UFD1: variants seen among roughly 807,000 people sequenced by gnomAD.
UFD1 encodes ubiquitin recognition factor in ER-associated degradation protein 1.
A neutral mutation model predicts 45.9 loss-of-function variants in UFD1; 13 were observed. The observed-to-expected ratio is 0.28, with a 90% CI of 0.18 to 0.45. The LOEUF is 0.45. UFD1 is among the 20% of genes least tolerant of loss of function. The pLI is 1.00. For missense variants in UFD1, 218 were observed against 389.2 expected (o/e 0.56, Z 3.70); for synonymous variants, 128 against 139.2 (o/e 0.92, Z 0.56).
chr22:19,453,777 G>A, intron 11 of UFD1: 1 of 985,624 alleles, frequency 1.0e-6, no homozygotes, highest in Non-Finnish European at 1.2e-6. Flanking sequence ...AAGTGCTAGA[G>A]AAAAGAGTTC....
intron 6 of UFD1, among the ~76,000 whole-genome samples, chr22:19,464,057 C>T (rs1267968254): frequency 6.6e-6 from 1 of 152,080 alleles, no homozygotes; most frequent in East Asian, 1.9e-4. Context: ...CTAAAGGGAA[C>T]AAGATTATTT....
intron 1 of UFD1, among the ~76,000 whole-genome samples, chr22:19,477,755 A>T (rs768926307): frequency 2.0e-5 from 3 of 152,164 alleles, no homozygotes; most frequent in Non-Finnish European, 2.9e-5. Context: ...ATTTAGTAGA[A>T]GGAATGCCAC....
intron 4 of UFD1, chr22:19,469,939 TA>T (rs2089831534): frequency 1.9e-6 from 1 of 518,534 alleles, no homozygotes; most frequent in East Asian, 5.4e-5. Flanking sequence ...GTCTATGGGT[TA>T]AAGGAGAACC....
intron 6 of UFD1, among the ~76,000 whole-genome samples, chr22:19,461,655 G>A (rs1019674170): frequency 2.0e-5 from 3 of 152,124 alleles, no homozygotes; most frequent in Non-Finnish European, 4.4e-5. Flanking sequence ...AGAATGAGTT[G>A]GGGGATATGT....
intron 4 of UFD1, among the ~76,000 whole-genome samples, chr22:19,471,003 G>A (rs2089840891): frequency 6.6e-6 from 1 of 152,202 alleles, no homozygotes; most frequent in African/African-American, 2.4e-5. Context: ...GCCAGAGCTG[G>A]GGAGAGGAGT....
intron 3 of UFD1, among the ~76,000 whole-genome samples, chr22:19,474,793 G>T (rs978440947): frequency 6.6e-6 from 1 of 152,178 alleles, no homozygotes; most frequent in Non-Finnish European, 1.5e-5. Context: ...GGGGTGGGTG[G>T]AGGTGGTGAT....
At chr22:19,453,338 A>G in intron 11 of UFD1, 1 of 985,444 alleles carries the variant, frequency 1.0e-6, no homozygotes, top group African/African-American at 1.7e-5. Context: ...CATGACCTTT[A>G]GCCACAGCCT....
chr22:19,464,480 A>C (rs2146297851), intron 6 of UFD1, among the ~76,000 whole-genome samples: 1 of 152,386 alleles, frequency 6.6e-6, no homozygotes, highest in Non-Finnish European at 1.5e-5. Flanking sequence ...CTGCAGGCAT[A>C]TTCCCATAGG....
At chr22:19,478,687 CG>C (rs5844386) in intron 1 of UFD1, 276,634 of 276,642 alleles carry the variant, frequency 1, 138,313 homozygotes, top group Middle Eastern at 1. Flanking sequence ...CCCCCAAGAG[CG>C]GGGGATGCCC....
chr22:19,476,988 C>T (rs1381332710), intron 1 of UFD1, among the ~76,000 whole-genome samples: 2 of 105,890 alleles, frequency 1.9e-5, no homozygotes, highest in Non-Finnish European at 3.4e-5. Flanking sequence ...GCCTGGGCAA[C>T]AGAGCAAGAC....
At chr22:19,454,639 T>C in intron 11 of UFD1, 110 bp downstream of exon 11, 1 of 1,574,982 alleles carries the variant, frequency 6.3e-7, no homozygotes, top group South Asian at 1.1e-5. Flanking sequence ...TACCAGCAGC[T>C]TGGAAACAGA....
intron 2 of UFD1, 69 bp downstream of exon 2, chr22:19,475,401 T>A (rs553266732): frequency 6.3e-7 from 1 of 1,588,642 alleles, no homozygotes; most frequent in South Asian, 1.1e-5. Context: ...AAGTAAGTAC[T>A]GTTGAAGGCT....
At position 19,465,195 on chromosome 22, in the gene UFD1, G is replaced by C. The variant is rs1228307558; in HGVS notation, c.495+7C>G. The C allele has an allele frequency of 1.2e-6, 2 of 1,613,848 alleles. No individual in the cohort carries two copies. Among genetic ancestry groups the C allele is most frequent in the African/African-American group, 2.7e-5 (2 of 74,894 alleles). On this transcript the variant is annotated splice_region_variant and intron_variant, in intron 6 of 11. Transcript: ENST00000263202. The stretch of plus-strand genomic sequence containing the variant: ...TGTCAGGAATGACCTGCATGAACTG[G>C]GCTCACCTTTTCATTATAGTTGATG...
rs779796826 is a variant in UFD1 at position 19,475,553 on chromosome 22, C to T, written c.53G>A (p.Arg18His). ...DHPIPRVFQN[R>H]FSTQYRCFSV... is the part of the protein sequence containing the mutation. ...GAAGCAGCGGTACTGTGTGGAGAAG[C>T]GGTTTTGGAAGACCCTGGGAATAGG... Residue 18 changes from arginine (R) to histidine (H), a missense_variant, in exon 2 of 12, where the codon CGC becomes CAC. Around this residue, in one of 2 missense-constraint regions of UFD1, gnomAD observed 149 missense variants for 307.5 expected, o/e 0.48. Transcript: ENST00000263202. 2.9e-5 allele frequency: 47 copies of T among 1,614,002 alleles called. No homozygotes were observed. Among genetic ancestry groups the T allele is most frequent in the Middle Eastern group, 3.3e-4 (2 of 6,084 alleles).
chr22:19,463,451 C>T (rs1463447513), intron 6 of UFD1, among the ~76,000 whole-genome samples: 8 of 152,166 alleles, frequency 5.3e-5, no homozygotes, highest in Non-Finnish European at 8.8e-5. Context: ...ACATTTGTAT[C>T]TAGAAATTCT....
intron 11 of UFD1, 71 bp downstream of exon 11, chr22:19,454,678 A>G (rs1395413908): frequency 6.2e-7 from 1 of 1,609,364 alleles, no homozygotes. Context: ...CAGAATGCCA[A>G]GAACTTCAGT....
chr22:19,478,714 T>G (rs1457065059), intron 1 of UFD1: 1 of 178,846 alleles, frequency 5.6e-6, no homozygotes, highest in East Asian at 1.1e-4. Flanking sequence ...GGATTCTCCC[T>G]GGGGAGCGCC....
At chr22:19,475,231 T>G in intron 2 of UFD1, 131 bp from the exon 3 acceptor site, 2 of 1,096,476 alleles carry the variant, frequency 1.8e-6, no homozygotes, top group East Asian at 5.2e-5. Flanking sequence ...GTCCCAGTGA[T>G]CTTTCATGAA....
In UFD1 at chr22:19,450,573, T is replaced by C; in HGVS notation, c.*97A>G. ...AAATAAATCTTAAGTAACAGAGTAT[T>C]CTCTGATGAGGCTCGTCCCTGTCAG... On this transcript the variant is annotated 3_prime_UTR_variant, in exon 12 of 12. Transcript: ENST00000263202. 1.4e-6 allele frequency: 2 copies of C among 1,448,954 alleles called. No homozygotes were observed. The highest frequency in any genetic ancestry group is 1.9e-6 in the Non-Finnish European group (2 of 1,040,860). The allele number at this position is 1,448,954 out of a possible 1,614,324, so 89.8% of individuals were successfully genotyped here.
Sources: allele counts gnomAD v4.1 joint callset (sites outside exome capture counted in the v4.1 genomes callset), GRCh38; gene constraint gnomAD v4.1.1; regional missense constraint gnomAD v4.1.1; transcripts MANE v1.5; gene names NCBI Gene and HGNC (gene_info 2026-07-23, HGNC 2026-07-21).